The following NCAM1 variants were observed in gnomAD, a reference collection of about 807,000 sequenced individuals.
NCAM1 encodes antigen recognized by monoclonal antibody 5.1H11.
NCAM1 carries 14 observed loss-of-function variants against 109.8 expected under a neutral mutation model. The observed-to-expected ratio is 0.13, with a 90% CI of 0.08 to 0.20. The LOEUF is 0.20. Ranked by LOEUF, NCAM1 falls within the 10% of genes least tolerant of loss-of-function variation. NCAM1 has a pLI of 1.00. For synonymous variants in NCAM1, 418 were observed against 442.9 expected (o/e 0.94, Z 0.70); for missense variants, 774 against 1,109.9 (o/e 0.70, Z 4.30).
chr11:113,075,734 A>G, intron 1 of NCAM1, among the ~76,000 whole-genome samples: 1 of 152,226 alleles, frequency 6.6e-6, no homozygotes, highest in East Asian at 1.9e-4. Flanking sequence ...TACTAGCCAG[A>G]TGACCTGGAG....
At chr11:113,159,202 A>T (rs566438933) in intron 1 of NCAM1, among the ~76,000 whole-genome samples, 7 of 151,544 alleles carry the variant, frequency 4.6e-5, no homozygotes, top group East Asian at 1.9e-4. Context: ...AAGATAATTT[A>T]AAAAAAACTT....
intron 1 of NCAM1, among the ~76,000 whole-genome samples, chr11:113,181,381 A>G (rs1555107918): frequency 1.3e-5 from 2 of 152,156 alleles, no homozygotes; most frequent in African/African-American, 4.8e-5. Context: ...GAGTGTCAGT[A>G]GGCTAACAAA....
At chr11:113,066,166 G>A (rs959654942) in intron 1 of NCAM1, among the ~76,000 whole-genome samples, 29 of 151,942 alleles carry the variant, frequency 1.9e-4, no homozygotes, top group African/African-American at 3.1e-4. Flanking sequence ...AAAGGAAGTC[G>A]TATAAAGATC....
chr11:113,190,274 C>T (rs948913365), intron 1 of NCAM1, among the ~76,000 whole-genome samples: 47 of 152,176 alleles, frequency 3.1e-4, no homozygotes, highest in Admixed American at 2.6e-4. Context: ...TGGGACTTTT[C>T]TGGATCTCTG....
At chr11:113,063,191 A>G (rs1937761207) in intron 1 of NCAM1, among the ~76,000 whole-genome samples, 1 of 152,198 alleles carries the variant, frequency 6.6e-6, no homozygotes, top group African/African-American at 2.4e-5. Flanking sequence ...GAGGAGGATT[A>G]TGAGTAAACT....
intron 1 of NCAM1, among the ~76,000 whole-genome samples, chr11:113,027,623 G>A (rs1430010441): frequency 4.6e-5 from 7 of 152,062 alleles, no homozygotes; most frequent in South Asian, 4.1e-4. Context: ...AGCTTCTTTC[G>A]GCATTTAATA....
chr11:113,210,942 C>CTGAG (rs1273729900), intron 7 of NCAM1, among the ~76,000 whole-genome samples: 4 of 152,180 alleles, frequency 2.6e-5, no homozygotes, highest in Admixed American at 2.6e-4. Context: ...TTTGTAGAGA[C>CTGAG]TGAGTCCACA....
In NCAM1 at chr11:113,166,364, C is replaced by T. The variant is rs145873397; in HGVS notation, c.53-36015C>T. 2.8e-3 allele frequency among the ~76,000 whole-genome samples: 424 copies of T among 152,272 alleles called. 3 individuals are homozygous for T. The highest frequency in any genetic ancestry group is 9.6e-3 in the African/African-American group (400 of 41,554). ...AAATCGTAGGAAAACACAGTAATAA[C>T]GCACCAATGGGTGCTACCTGTCTCC... On this transcript the variant is annotated intron_variant, in intron 1 of 19. Coordinates refer to ENST00000316851, the MANE Select transcript of NCAM1 (RefSeq NM_181351.5).
intron 1 of NCAM1, among the ~76,000 whole-genome samples, chr11:112,979,100 T>G (rs549646350): frequency 6.6e-6 from 1 of 151,762 alleles, no homozygotes; most frequent in African/African-American, 2.4e-5. Flanking sequence ...TGTGTTTAAT[T>G]TGGGCTTATG....
At chr11:113,268,102 G>A (rs1231637069) in intron 17 of NCAM1, among the ~76,000 whole-genome samples, 1 of 152,194 alleles carries the variant, frequency 6.6e-6, no homozygotes, top group Non-Finnish European at 1.5e-5. Flanking sequence ...GAAAACCCAA[G>A]GCTAAAGTTT....
intron 9 of NCAM1, among the ~76,000 whole-genome samples, chr11:113,222,328 G>A (rs950153175): frequency 6.6e-6 from 1 of 152,180 alleles, no homozygotes; most frequent in Non-Finnish European, 1.5e-5. Context: ...TATAACTCAA[G>A]TGTTCAGGTC....
intron 1 of NCAM1, among the ~76,000 whole-genome samples, chr11:113,141,868 C>G (rs1183974205): frequency 6.6e-6 from 1 of 152,030 alleles, no homozygotes; most frequent in African/African-American, 2.4e-5. Context: ...GTGTTCATTC[C>G]AGTCGTATAT....
chr11:113,159,836 C>T (rs767514954), intron 1 of NCAM1, among the ~76,000 whole-genome samples: 25 of 148,504 alleles, frequency 1.7e-4, no homozygotes, highest in Non-Finnish European at 1.6e-4. Context: ...AGGTATATCT[C>T]CTAATGCTAT....
chr11:113,017,441 C>A (rs1555075459), intron 1 of NCAM1, among the ~76,000 whole-genome samples: 2 of 152,148 alleles, frequency 1.3e-5, no homozygotes, highest in Non-Finnish European at 2.9e-5. Context: ...AATAGTGCAA[C>A]TTTTTGAGAA....
At chr11:112,966,597 C>G (rs1001077307) in intron 1 of NCAM1, among the ~76,000 whole-genome samples, 3 of 152,186 alleles carry the variant, frequency 2.0e-5, no homozygotes, top group South Asian at 2.1e-4. Context: ...GTTATTAACT[C>G]TTGGGGCCAA....
chr11:113,233,934 C>T lies in NCAM1; in HGVS notation c.1693+617C>T, dbSNP rs1945086169. On this transcript the variant is annotated intron_variant, in intron 13 of 19. Transcript: ENST00000316851. This position sits in a 1 kb window ranked among gnomAD's most constrained non-coding sequence, Gnocchi z 4.5. ...CTTTTTGGGTTTAATTGGAATAACT[C>T]AGTGAAGTATGTTTTGTTTCTGTAC... 6.6e-6 allele frequency among the ~76,000 whole-genome samples: 1 copy of T among 152,136 alleles called. No individual in the cohort carries two copies. The highest frequency in any genetic ancestry group is 1.5e-5 in the Non-Finnish European group (1 of 68,026).
At position 113,075,659 on chromosome 11, in the gene NCAM1, A is replaced by G. The variant is rs141711215; in HGVS notation, c.52+113995A>G. On this transcript the variant is annotated intron_variant, in intron 1 of 19. Coordinates refer to ENST00000316851, the MANE Select transcript of NCAM1 (RefSeq NM_181351.5). ...AATTTTTGAGGCCCTAGATAGGCCA[A>G]GGAAGCCAGGATTGAAGGAAACATG... is the stretch of plus-strand genomic sequence containing the variant. Among the ~76,000 whole-genome samples, 96 of 152,342 alleles carry G rather than the reference A, an allele frequency of 6.3e-4. 1 individual carries two copies. Among genetic ancestry groups the G allele is most frequent in the African/African-American group, 2.1e-3 (89 of 41,588 alleles).
intron 1 of NCAM1, among the ~76,000 whole-genome samples, chr11:113,112,496 CT>C (rs1278169592): frequency 6.6e-6 from 1 of 152,214 alleles, no homozygotes; most frequent in African/African-American, 2.4e-5. Flanking sequence ...AGACAGAACA[CT>C]TGATTTACCA....
At chr11:113,169,976 CCTTT>C (rs1942940065) in intron 1 of NCAM1, among the ~76,000 whole-genome samples, 1 of 152,118 alleles carries the variant, frequency 6.6e-6, no homozygotes, top group African/African-American at 2.4e-5. Context: ...ACATCCAGAA[CCTTT>C]CTATGATTTC....
Sources: allele counts gnomAD v4.1 joint callset (sites outside exome capture counted in the v4.1 genomes callset), GRCh38; gene constraint gnomAD v4.1.1; non-coding constraint Gnocchi (gnomAD v3.1); transcripts MANE v1.5; gene names NCBI Gene and HGNC (gene_info 2026-07-23, HGNC 2026-07-21).